PDE10A: variants seen among roughly 807,000 people sequenced by gnomAD.
PDE10A encodes cAMP and cAMP-inhibited cGMP 3',5'-cyclic phosphodiesterase 10A.
Under a neutral mutation model 97.7 loss-of-function variants are expected in PDE10A, and 39 were observed. That is an observed-to-expected ratio of 0.40 (90% CI 0.31 to 0.52). The LOEUF (loss-of-function observed/expected upper bound fraction) is 0.52, where lower values mean the gene tolerates loss of function less well. PDE10A is among the 20% of genes least tolerant of loss of function. The pLI, the probability that PDE10A is intolerant of heterozygous loss-of-function variation, is 0.56. For synonymous variants in PDE10A, 371 were observed against 376.8 expected, an observed-to-expected ratio of 0.98 and a Z score of 0.18; for missense variants, 731 against 1,047.8, an observed-to-expected ratio of 0.70 and a Z score of 4.17.
intron 1 of PDE10A, among the ~76,000 whole-genome samples, chr6:165,798,843 G>C (rs1449419393): frequency 5.3e-5 from 8 of 152,080 alleles, no homozygotes; most frequent in Non-Finnish European, 8.8e-5. Flanking sequence ...GAGTAGCTGG[G>C]ATTACAAGCA....
intron 1 of PDE10A, among the ~76,000 whole-genome samples, chr6:165,592,616 C>T (rs899826516): frequency 2.0e-5 from 3 of 151,708 alleles, no homozygotes; most frequent in Admixed American, 6.6e-5. Flanking sequence ...AAAAAAACAC[C>T]ACCATCAAAA....
At chr6:165,954,816 T>C (rs942958916) in intron 1 of PDE10A, among the ~76,000 whole-genome samples, 1 of 152,178 alleles carries the variant, frequency 6.6e-6, no homozygotes, top group Admixed American at 6.5e-5. Context: ...GCTACCTCTG[T>C]GTGCAGGGGA....
intron 1 of PDE10A, among the ~76,000 whole-genome samples, chr6:165,816,190 C>T (rs1219768170): frequency 2.6e-5 from 4 of 152,192 alleles, no homozygotes; most frequent in Non-Finnish European, 5.9e-5. Context: ...ACCTCGTGAT[C>T]TGCCCGCCTT....
Position 165,327,884 on chromosome 6 carries a change from G to A in PDE10A, c.*5141C>T, listed in dbSNP as rs1781133393. ...GTATTTGTGATGGCATATAACCTGTGTTACTCTCCAGTAGTTTTTGGTCAG... is the reference window on the plus strand; with the variant it reads ...GTATTTGTGATGGCATATAACCTGTATTACTCTCCAGTAGTTTTTGGTCAG... On this transcript the variant is annotated 3_prime_UTR_variant, in exon 22 of 22. Coordinates refer to ENST00000539869, the MANE Select transcript of PDE10A (RefSeq NM_001385079.1). 1 of 152,154 alleles carries A rather than the reference G, an allele frequency of 6.6e-6. No homozygotes were observed. Among genetic ancestry groups the A allele is most frequent in the African/African-American group, 2.4e-5 (1 of 41,408 alleles). 9.4% of individuals were successfully genotyped at this position (152,154 alleles called of 1,614,324 possible).
At chr6:165,405,893 A>G (rs916079304) in intron 13 of PDE10A, among the ~76,000 whole-genome samples, 40 of 152,300 alleles carry the variant, frequency 2.6e-4, no homozygotes, top group African/African-American at 8.9e-4. Flanking sequence ...ATTGTCCTGT[A>G]GTCTGTGCCA....
At chr6:165,969,529 G>A (rs537508551) in intron 1 of PDE10A, among the ~76,000 whole-genome samples, 1 of 152,210 alleles carries the variant, frequency 6.6e-6, no homozygotes, top group South Asian at 2.1e-4. Flanking sequence ...GTGTTGATAC[G>A]AATTCCTGGT....
intron 1 of PDE10A, among the ~76,000 whole-genome samples, chr6:165,595,252 T>C (rs906920330): frequency 3.3e-5 from 5 of 152,156 alleles, no homozygotes; most frequent in African/African-American, 9.6e-5. Context: ...AGTCCTCTCA[T>C]GGGAGTCAAA....
intron 18 of PDE10A, among the ~76,000 whole-genome samples, chr6:165,364,798 A>G (rs2128195351): frequency 6.6e-6 from 1 of 152,306 alleles, no homozygotes; most frequent in South Asian, 2.1e-4. Flanking sequence ...TAGGAACAAA[A>G]TAAAAAATAA....
chr6:165,914,713 G>T (rs1023257372), intron 1 of PDE10A, among the ~76,000 whole-genome samples: 2 of 152,188 alleles, frequency 1.3e-5, no homozygotes, highest in Admixed American at 6.5e-5. Context: ...AGATTTGCCC[G>T]TTTCAGTTTC....
At chr6:165,522,256 CA>C (rs1375555437) in intron 2 of PDE10A, among the ~76,000 whole-genome samples, 2 of 151,702 alleles carry the variant, frequency 1.3e-5, no homozygotes, top group Non-Finnish European at 2.9e-5. Context: ...GAAACAACTC[CA>C]AAAAAAATTC....
chr6:165,656,680 T>G (rs913555689), intron 1 of PDE10A, among the ~76,000 whole-genome samples: 1 of 152,114 alleles, frequency 6.6e-6, no homozygotes, highest in Admixed American at 6.6e-5. Flanking sequence ...CCCTGCAACC[T>G]CAGAAGATCC....
chr6:165,805,414 CAAATGAAAGTCAGTGATGTTTGA>C (rs1779107765), intron 1 of PDE10A, among the ~76,000 whole-genome samples: 1 of 152,276 alleles, frequency 6.6e-6, no homozygotes, highest in African/African-American at 2.4e-5. Flanking sequence ...AAACCAAATC[CAAATGAAAGTCAGTGATGTTTGA>C]AAGTGGGAAA....
intron 1 of PDE10A, among the ~76,000 whole-genome samples, chr6:165,829,905 G>A (rs965969699): frequency 6.6e-6 from 1 of 152,158 alleles, no homozygotes; most frequent in Admixed American, 6.5e-5. Flanking sequence ...CAGAAGAAAG[G>A]TGAGCTGTAC....
At chr6:165,503,365 G>A (rs753145633) in intron 2 of PDE10A, among the ~76,000 whole-genome samples, 4 of 152,154 alleles carry the variant, frequency 2.6e-5, no homozygotes, top group Non-Finnish European at 4.4e-5. Flanking sequence ...AGAATGCAGC[G>A]GGCTGGATGG....
chr6:165,392,773 C>A lies in PDE10A; in HGVS notation c.2327G>T (p.Arg776Leu). 1 of 1,613,940 alleles carries A rather than the reference C, an allele frequency of 6.2e-7. No homozygotes were observed. The highest frequency in any genetic ancestry group is 1.3e-5 in the African/African-American group (1 of 75,004). ...TSCFELEKLC[R>L]FIMSVKKNYR... ...GTTCTTCTTCACAGACATAATAAAACGACACAACTTTTCAAGCTCAAAGCT... is the reference window on the plus strand; with the variant it reads ...GTTCTTCTTCACAGACATAATAAAAAGACACAACTTTTCAAGCTCAAAGCT... The change falls in exon 16 of 22, where the codon CGT (arginine) becomes CTT (leucine). Residue 776 changes from arginine (R) to leucine (L), a missense_variant. Arg to Leu is a moderately radical substitution (Grantham distance 102). Transcript: ENST00000539869.
At chr6:165,652,945 C>G (rs1789755707) in intron 1 of PDE10A, among the ~76,000 whole-genome samples, 1 of 152,182 alleles carries the variant, frequency 6.6e-6, no homozygotes, top group African/African-American at 2.4e-5. Flanking sequence ...CTCAGGGTGG[C>G]TGCTCCACGC....
At chr6:165,624,420 G>C (rs971194326) in intron 1 of PDE10A, among the ~76,000 whole-genome samples, 1 of 152,240 alleles carries the variant, frequency 6.6e-6, no homozygotes, top group African/African-American at 2.4e-5. Context: ...AGACGTTTAA[G>C]ACTTTAAATT....
chr6:165,609,059 G>T (rs1258820662), intron 1 of PDE10A, among the ~76,000 whole-genome samples: 2 of 152,146 alleles, frequency 1.3e-5, no homozygotes. Flanking sequence ...TCTGTAGGTT[G>T]CCTGTTCACT....
chr6:165,751,203 G>A (rs1024649835), intron 1 of PDE10A, among the ~76,000 whole-genome samples: 2 of 152,162 alleles, frequency 1.3e-5, no homozygotes, highest in African/African-American at 4.8e-5. Context: ...ACTGGCCTTC[G>A]GTGTTTTCTG....
Sources: gnomAD v4.1 joint callset for allele counts (sites outside exome capture counted in the v4.1 genomes callset) on GRCh38, gnomAD v4.1.1 for gene constraint, MANE v1.5 for transcripts, NCBI Gene and HGNC (gene_info 2026-07-23, HGNC 2026-07-21) for gene names.